ELAVL4: variants seen among roughly 807,000 people sequenced by gnomAD.
The protein encoded by ELAVL4 is ELAV-like protein 4.
ELAVL4 carries 1 observed loss-of-function variant against 35.6 expected under a neutral mutation model. The observed-to-expected ratio is 0.03, with a 90% CI of 0.01 to 0.13. The LOEUF (loss-of-function observed/expected upper bound fraction) is 0.13, where lower values mean the gene tolerates loss of function less well. Among genes scored for constraint, ELAVL4 ranks in the 10% least tolerant of loss-of-function variants. The pLI, the probability that ELAVL4 is intolerant of heterozygous loss-of-function variation, is 1.00. For missense variants in ELAVL4, 267 were observed against 464.9 expected (o/e 0.57, Z 3.91); for synonymous variants, 156 against 171.0 (o/e 0.91, Z 0.69).
chr1:50,056,857 G>A lies in ELAVL4; in HGVS notation c.18+8675G>A, dbSNP rs550561479. 3.3e-5 allele frequency among the ~76,000 whole-genome samples: 5 copies of A among 151,984 alleles called. No homozygotes were observed. The East Asian group carries it at 7.8e-4, about 24-fold the overall frequency. ...TGAGGCAGGAGAATGGCGTGAACCC[G>A]GGAGGCAGAGCTTGCAGTAAGCCAA... is the stretch of plus-strand genomic sequence containing the variant. On this transcript the variant is annotated intron_variant, in intron 1 of 6. Coordinates refer to the ELAVL4 transcript ENST00000448907.
chr1:50,064,986 G>A (rs1226331583), intron 1 of ELAVL4, among the ~76,000 whole-genome samples: 1 of 152,112 alleles, frequency 6.6e-6, no homozygotes, highest in African/African-American at 2.4e-5. Flanking sequence ...TTTGGTATAT[G>A]TTCAGTAAGT....
intron 2 of ELAVL4, among the ~76,000 whole-genome samples, chr1:50,156,188 C>A (rs1675713594): frequency 1.3e-5 from 2 of 152,234 alleles, no homozygotes; most frequent in Admixed American, 1.3e-4. Context: ...CACTGAAAGT[C>A]CTGCCTTGCC....
chr1:50,130,691 T>C (rs902196427), intron 1 of ELAVL4, among the ~76,000 whole-genome samples: 1 of 152,190 alleles, frequency 6.6e-6, no homozygotes, highest in Non-Finnish European at 1.5e-5. Context: ...ATTTATTTAC[T>C]TCCTTGCAGG....
chr1:50,066,980 G>C (rs1244370760), intron 1 of ELAVL4, among the ~76,000 whole-genome samples: 1 of 152,146 alleles, frequency 6.6e-6, no homozygotes, highest in East Asian at 1.9e-4. Flanking sequence ...GCTTGAAAGA[G>C]TGAATATCAT....
chr1:50,113,679 C>T (rs948273118), intron 1 of ELAVL4, among the ~76,000 whole-genome samples: 5 of 152,078 alleles, frequency 3.3e-5, no homozygotes, highest in African/African-American at 4.8e-5. Flanking sequence ...AAGCTTTTAT[C>T]TTACTATTGT....
At chr1:50,127,688 C>A (rs184932200) in intron 1 of ELAVL4, among the ~76,000 whole-genome samples, 3 of 152,160 alleles carry the variant, frequency 2.0e-5, no homozygotes, top group East Asian at 1.9e-4. Context: ...TTCTGTGAAG[C>A]CTATAACATT....
intron 1 of ELAVL4, among the ~76,000 whole-genome samples, chr1:50,093,937 T>G (rs1665603799): frequency 6.6e-6 from 1 of 152,310 alleles, no homozygotes. Context: ...TCCTTATATG[T>G]CAATGCAGAG....
intron 1 of ELAVL4, among the ~76,000 whole-genome samples, chr1:50,139,478 G>T (rs536130999): frequency 5.4e-4 from 83 of 152,306 alleles, no homozygotes; most frequent in Non-Finnish European, 3.5e-4. Context: ...TCTGGTATCT[G>T]TTGAATTCAA....
chr1:50,056,064 C>G (rs1366143009), intron 1 of ELAVL4, among the ~76,000 whole-genome samples: 1 of 152,046 alleles, frequency 6.6e-6, no homozygotes, highest in Non-Finnish European at 1.5e-5. Context: ...TTTTCTTTCC[C>G]TGGAGATTGG....
At chr1:50,163,474 T>C (rs1239717521) in intron 2 of ELAVL4, among the ~76,000 whole-genome samples, 1 of 152,184 alleles carries the variant, frequency 6.6e-6, no homozygotes, top group Non-Finnish European at 1.5e-5. Context: ...AATGGGATAC[T>C]TTGGGATATA....
chr1:50,108,215 C>T (rs1666513466), upstream of ELAVL4, among the ~76,000 whole-genome samples: 1 of 152,096 alleles, frequency 6.6e-6, no homozygotes, highest in African/African-American at 2.4e-5. Context: ...CTGACAGCTG[C>T]CCCTCCCTTA....
At chr1:50,165,203 G>A (rs1677528628) in intron 2 of ELAVL4, among the ~76,000 whole-genome samples, 1 of 151,956 alleles carries the variant, frequency 6.6e-6, no homozygotes, top group Admixed American at 6.6e-5. Flanking sequence ...ATTCACTTGT[G>A]CCACTGCTCC....
intron 1 of ELAVL4, among the ~76,000 whole-genome samples, chr1:50,090,739 A>G (rs577340794): frequency 3.9e-5 from 6 of 152,284 alleles, no homozygotes; most frequent in South Asian, 4.1e-4. Flanking sequence ...GGCACATCAT[A>G]GAGAAATTGT....
intron 1 of ELAVL4, among the ~76,000 whole-genome samples, chr1:50,090,822 C>T (rs1665459326): frequency 1.3e-5 from 2 of 152,188 alleles, no homozygotes; most frequent in African/African-American, 4.8e-5. Context: ...ATCACTCAGC[C>T]CCACTGTATT....
chr1:50,125,840 G>T (rs374520417), intron 1 of ELAVL4, among the ~76,000 whole-genome samples: 2 of 152,098 alleles, frequency 1.3e-5, no homozygotes, highest in South Asian at 2.1e-4. Flanking sequence ...CTGGTTAAGG[G>T]CATCTTAGGA....
intron 1 of ELAVL4, among the ~76,000 whole-genome samples, chr1:50,142,829 G>T (rs534402006): frequency 2.6e-5 from 4 of 152,184 alleles, no homozygotes; most frequent in Non-Finnish European, 5.9e-5. Flanking sequence ...GCTCATAGCA[G>T]CATTATCTAT....
At position 50,159,683 on chromosome 1, in the gene ELAVL4, A is replaced by C. The variant is rs147246859; in HGVS notation, c.250+14486A>C. 2.6e-3 allele frequency among the ~76,000 whole-genome samples: 401 copies of C among 152,234 alleles called. 3 individuals are homozygous for C. The highest frequency in any genetic ancestry group is 9.4e-3 in the African/African-American group (390 of 41,540). ...CCTGTGCTAACACGACGTGAAAAGG[A>C]ATGGCATAATATGGAGCATTACCCA... On this transcript the variant is annotated intron_variant, in intron 2 of 6. Transcript: ENST00000371824.
chr1:50,098,520 G>C (rs1045301341), intron 1 of ELAVL4, among the ~76,000 whole-genome samples: 1 of 152,264 alleles, frequency 6.6e-6, no homozygotes, highest in East Asian at 1.9e-4. Context: ...AAGGCTTTGG[G>C]TGTTGTAATG....
intron 1 of ELAVL4, among the ~76,000 whole-genome samples, chr1:50,118,129 G>A (rs1405588783): frequency 6.6e-6 from 1 of 152,038 alleles, no homozygotes; most frequent in East Asian, 1.9e-4. Flanking sequence ...TAATTGATAT[G>A]GTCCCATCTT....
Sources: gnomAD v4.1 joint callset for allele counts (sites outside exome capture counted in the v4.1 genomes callset) on GRCh38, gnomAD v4.1.1 for gene constraint, MANE v1.5 for transcripts, NCBI Gene and HGNC (gene_info 2026-07-23, HGNC 2026-07-21) for gene names.